Variants in DEPDC1B observed in about 807,000 individuals in gnomAD.
The protein encoded by DEPDC1B is DEP domain containing 1B.
In DEPDC1B, 51 loss-of-function variants were observed where a neutral mutation model predicts 66.5. The observed-to-expected ratio is 0.77, with a 90% CI of 0.61 to 0.97. The LOEUF (loss-of-function observed/expected upper bound fraction) is 0.97, where lower values mean the gene tolerates loss of function less well. Ranked by LOEUF, DEPDC1B falls within the 50% of genes least tolerant of loss-of-function variation. The pLI is 0.00. For missense variants in DEPDC1B, 552 were observed against 637.1 expected (o/e 0.87, Z 1.44); for synonymous variants, 226 against 223.6 (o/e 1.01, Z -0.10).
At chr5:60,615,062 T>G (rs920569496) in intron 7 of DEPDC1B, among the ~76,000 whole-genome samples, 2 of 152,180 alleles carry the variant, frequency 1.3e-5, no homozygotes, top group Non-Finnish European at 2.9e-5. Flanking sequence ...AAACCACCAC[T>G]GCAGCTAATA....
intron 7 of DEPDC1B, among the ~76,000 whole-genome samples, chr5:60,619,496 C>T (rs368819542): frequency 6.6e-6 from 1 of 152,134 alleles, no homozygotes; most frequent in East Asian, 1.9e-4. Context: ...ACACCAATAA[C>T]AGACAAACAG....
At chr5:60,612,248 CCTTATCTCTACTAAAAATA>C (rs1386395290) in intron 7 of DEPDC1B, among the ~76,000 whole-genome samples, 1 of 151,762 alleles carries the variant, frequency 6.6e-6, no homozygotes, top group African/African-American at 2.4e-5. Context: ...CATGGTGAAA[CCTTATCTCTACTAAAAATA>C]CAAAAATTAG....
chr5:60,638,923 T>G (rs764277937), intron 6 of DEPDC1B, 33 bp from the exon 7 acceptor site: 4 of 1,601,978 alleles, frequency 2.5e-6, no homozygotes, highest in Admixed American at 1.7e-5. Flanking sequence ...AGAGAAACAT[T>G]AATGGAGTAA....
intron 2 of DEPDC1B, 42 bp downstream of exon 2, chr5:60,686,920 C>T: frequency 3.7e-6 from 6 of 1,604,222 alleles, no homozygotes; most frequent in Non-Finnish European, 5.1e-6. Flanking sequence ...ATTCACTCAT[C>T]TCCCCAATTC....
At chr5:60,659,787 G>C (rs1393009764) in intron 2 of DEPDC1B, among the ~76,000 whole-genome samples, 2 of 152,172 alleles carry the variant, frequency 1.3e-5, no homozygotes, top group Non-Finnish European at 2.9e-5. Flanking sequence ...TAATGGTTCA[G>C]ACTTTCATTC....
chr5:60,630,325 A>G (rs1057430133), intron 7 of DEPDC1B, among the ~76,000 whole-genome samples: 3 of 152,222 alleles, frequency 2.0e-5, no homozygotes, highest in Non-Finnish European at 4.4e-5. Context: ...AGTAGGAGCT[A>G]TCAGGAGATG....
intron 1 of DEPDC1B, 116 bp downstream of exon 1, chr5:60,699,930 C>A: frequency 7.7e-7 from 1 of 1,293,242 alleles, no homozygotes; most frequent in African/African-American, 1.5e-5. Flanking sequence ...CTGAAATGCT[C>A]CACACCCGAG....
chr5:60,617,379 T>C (rs1365964662), intron 7 of DEPDC1B, among the ~76,000 whole-genome samples: 1 of 152,138 alleles, frequency 6.6e-6, no homozygotes, highest in Non-Finnish European at 1.5e-5. Flanking sequence ...CAGTGTGCTG[T>C]ATTCAGGAAA....
At chr5:60,616,987 A>G (rs1752572403) in intron 7 of DEPDC1B, among the ~76,000 whole-genome samples, 2 of 152,360 alleles carry the variant, frequency 1.3e-5, no homozygotes, top group South Asian at 4.1e-4. Context: ...AATATTCAAC[A>G]TTCCTGAAGG....
intron 2 of DEPDC1B, among the ~76,000 whole-genome samples, chr5:60,667,455 A>G (rs1358517857): frequency 6.8e-6 from 1 of 146,320 alleles, no homozygotes; most frequent in Non-Finnish European, 1.5e-5. Flanking sequence ...GATATTTTAC[A>G]TATATACAAA....
intron 2 of DEPDC1B, among the ~76,000 whole-genome samples, chr5:60,682,614 A>G (rs957397903): frequency 6.6e-6 from 1 of 152,218 alleles, no homozygotes. Context: ...TGAGCATTTC[A>G]GAAAGTGAAA....
intron 7 of DEPDC1B, among the ~76,000 whole-genome samples, chr5:60,614,940 A>G (rs560730970): frequency 9.8e-5 from 15 of 152,322 alleles, no homozygotes; most frequent in Non-Finnish European, 2.1e-4. Flanking sequence ...GCTGTCAGCC[A>G]AGATCATGTC....
intron 1 of DEPDC1B, among the ~76,000 whole-genome samples, chr5:60,693,619 C>A (rs1754592988): frequency 6.6e-6 from 1 of 152,144 alleles, no homozygotes; most frequent in Non-Finnish European, 1.5e-5. Flanking sequence ...GCAGGATACA[C>A]AACTTAGCAA....
chr5:60,670,164 C>T (rs562639341), intron 2 of DEPDC1B, among the ~76,000 whole-genome samples: 1 of 152,148 alleles, frequency 6.6e-6, no homozygotes, highest in Non-Finnish European at 1.5e-5. Flanking sequence ...GCGGGCAGAT[C>T]GCGAGGTCAG....
intron 7 of DEPDC1B, among the ~76,000 whole-genome samples, chr5:60,619,104 A>C (rs561508114): frequency 3.3e-4 from 50 of 152,206 alleles, no homozygotes; most frequent in African/African-American, 1.2e-3. Context: ...CATGCTAAAA[A>C]CTCTCAATAA....
At chr5:60,620,155 A>C (rs1584036262) in intron 7 of DEPDC1B, among the ~76,000 whole-genome samples, 2 of 152,374 alleles carry the variant, frequency 1.3e-5, no homozygotes, top group South Asian at 4.1e-4. Flanking sequence ...TGGATTAAAG[A>C]CTTAAATGCT....
At chr5:60,614,715 G>C (rs748613296) in intron 7 of DEPDC1B, among the ~76,000 whole-genome samples, 2 of 152,198 alleles carry the variant, frequency 1.3e-5, no homozygotes, top group Non-Finnish European at 2.9e-5. Flanking sequence ...AGCAGGCCAG[G>C]CATGGTGGCT....
intron 1 of DEPDC1B, among the ~76,000 whole-genome samples, chr5:60,697,765 G>A (rs145767656): frequency 6.6e-6 from 1 of 152,256 alleles, no homozygotes; most frequent in East Asian, 1.9e-4. Context: ...GTGAAACTGA[G>A]GTGTTTGTTT....
chr5:60,601,576 A>T (rs377596154), intron 9 of DEPDC1B, among the ~76,000 whole-genome samples: 41 of 152,344 alleles, frequency 2.7e-4, no homozygotes, highest in Middle Eastern at 6.8e-3. Flanking sequence ...GCCAAAAAAA[A>T]TCTACCTTTA....
Sources: gnomAD v4.1 joint callset for allele counts (sites outside exome capture counted in the v4.1 genomes callset) on GRCh38, gnomAD v4.1.1 for gene constraint, MANE v1.5 for transcripts, NCBI Gene and HGNC (gene_info 2026-07-23, HGNC 2026-07-21) for gene names.